Variants in CACNA2D3 observed in about 807,000 individuals in gnomAD.
CACNA2D3 encodes voltage-dependent calcium channel subunit alpha-2/delta-3.
In CACNA2D3, 60 loss-of-function variants were observed where a neutral mutation model predicts 160.6. That is an observed-to-expected ratio of 0.37 (90% CI 0.30 to 0.46). CACNA2D3 has a LOEUF of 0.46. Ranked by LOEUF, CACNA2D3 falls within the 20% of genes least tolerant of loss-of-function variation. CACNA2D3 has a pLI of 1.00. For missense variants in CACNA2D3, 1,205 were observed against 1,365.0 expected (o/e 0.88, Z 1.85); for synonymous variants, 558 against 492.9 (o/e 1.13, Z -1.75).
chr3:54,955,454 G>GA (rs1701863855), intron 27 of CACNA2D3, among the ~76,000 whole-genome samples: 1 of 150,866 alleles, frequency 6.6e-6, no homozygotes, highest in Non-Finnish European at 1.5e-5. Context: ...ATTTCTTTTG[G>GA]AAAAAAGAAA....
intron 2 of CACNA2D3, among the ~76,000 whole-genome samples, chr3:54,158,247 A>G (rs530044058): frequency 2.3e-4 from 35 of 152,358 alleles, no homozygotes; most frequent in Non-Finnish European, 4.3e-4. Context: ...GGGTGCAGCC[A>G]GATCCCCATA....
intron 14 of CACNA2D3, among the ~76,000 whole-genome samples, chr3:54,825,923 TATG>T (rs1559596811): frequency 6.6e-6 from 1 of 152,212 alleles, no homozygotes; most frequent in African/African-American, 2.4e-5. Flanking sequence ...ACTAGATTAA[TATG>T]ATGAGTTACT....
At chr3:54,568,298 A>G (rs922717047) in intron 6 of CACNA2D3, among the ~76,000 whole-genome samples, 1 of 152,218 alleles carries the variant, frequency 6.6e-6, no homozygotes, top group South Asian at 2.1e-4. Flanking sequence ...TGCAGCAGAG[A>G]TTTGGACATT....
At chr3:54,792,621 A>T (rs1417706494) in intron 13 of CACNA2D3, among the ~76,000 whole-genome samples, 1 of 152,042 alleles carries the variant, frequency 6.6e-6, no homozygotes, top group African/African-American at 2.4e-5. Flanking sequence ...TGCAGTCAAG[A>T]TCGTCATCAG....
chr3:54,722,386 C>T (rs615334), intron 11 of CACNA2D3, among the ~76,000 whole-genome samples: 62,320 of 151,976 alleles, frequency 0.41, 13,785 homozygotes, highest in East Asian at 0.5. Context: ...TTGGTTATTA[C>T]CCACCTTCTG....
At chr3:54,734,313 C>T (rs1300800856) in intron 11 of CACNA2D3, among the ~76,000 whole-genome samples, 1 of 152,176 alleles carries the variant, frequency 6.6e-6, no homozygotes, top group Non-Finnish European at 1.5e-5. Context: ...TCAGGACATG[C>T]ATATCAGAAA....
chr3:54,937,639 A>G (rs1379333294), intron 27 of CACNA2D3, among the ~76,000 whole-genome samples: 1 of 152,210 alleles, frequency 6.6e-6, no homozygotes. Flanking sequence ...CTGGCAATTC[A>G]GCCTGAGAGG....
intron 4 of CACNA2D3, among the ~76,000 whole-genome samples, chr3:54,474,187 G>A (rs981714039): frequency 1.3e-5 from 2 of 152,226 alleles, no homozygotes; most frequent in East Asian, 3.9e-4. Flanking sequence ...AGAAAATGTA[G>A]CACATATACA....
intron 4 of CACNA2D3, among the ~76,000 whole-genome samples, chr3:54,405,646 C>T (rs187707803): frequency 1.1e-3 from 162 of 152,212 alleles, no homozygotes; most frequent in Non-Finnish European, 1.9e-3. Context: ...AACTCCTTGA[C>T]GGTGACCTTG....
intron 4 of CACNA2D3, among the ~76,000 whole-genome samples, chr3:54,406,449 A>G (rs1000683227): frequency 6.6e-6 from 1 of 152,306 alleles, no homozygotes; most frequent in East Asian, 1.9e-4. Flanking sequence ...GTGTGTACAC[A>G]TATATACAAT....
chr3:54,237,607 C>G (rs553775222), intron 2 of CACNA2D3, among the ~76,000 whole-genome samples: 6 of 152,192 alleles, frequency 3.9e-5, no homozygotes, highest in African/African-American at 1.4e-4. Context: ...TGTTAGCTCA[C>G]CCACCAAGAC....
At chr3:55,027,918 A>C (rs529799458) in intron 35 of CACNA2D3, among the ~76,000 whole-genome samples, 93 of 152,324 alleles carry the variant, frequency 6.1e-4, no homozygotes, top group African/African-American at 2.2e-3. Flanking sequence ...AACAGGCTTC[A>C]GCTGCAGTTT....
chr3:54,425,398 A>G (rs1459641926), intron 4 of CACNA2D3, among the ~76,000 whole-genome samples: 1 of 152,238 alleles, frequency 6.6e-6, no homozygotes, highest in Non-Finnish European at 1.5e-5. Context: ...TAGCCATTTA[A>G]TAGCTGCGCA....
chr3:54,586,108 C>T (rs1025013675), intron 9 of CACNA2D3, among the ~76,000 whole-genome samples: 7 of 151,614 alleles, frequency 4.6e-5, no homozygotes, highest in African/African-American at 1.7e-4. Flanking sequence ...ACTAAAAGTA[C>T]AAAAAATTAG....
At chr3:55,027,622 G>T (rs1470883817) in intron 35 of CACNA2D3, among the ~76,000 whole-genome samples, 3 of 152,130 alleles carry the variant, frequency 2.0e-5, no homozygotes, top group African/African-American at 4.8e-5. Flanking sequence ...ACTAATTTTT[G>T]ACCAACTTTG....
chr3:54,393,335 T>C (rs1699315034), intron 4 of CACNA2D3, among the ~76,000 whole-genome samples: 1 of 152,198 alleles, frequency 6.6e-6, no homozygotes, highest in Non-Finnish European at 1.5e-5. Flanking sequence ...GAGAAGCAGC[T>C]GACACTGTGT....
At chr3:54,293,269 T>C (rs1286963385) in intron 2 of CACNA2D3, among the ~76,000 whole-genome samples, 1 of 152,112 alleles carries the variant, frequency 6.6e-6, no homozygotes, top group Non-Finnish European at 1.5e-5. Context: ...AGTTCTTTAG[T>C]GGTAATTTCT....
chr3:54,955,794 A>G (rs906319614), intron 27 of CACNA2D3, among the ~76,000 whole-genome samples: 33 of 152,176 alleles, frequency 2.2e-4, no homozygotes, highest in African/African-American at 7.5e-4. Context: ...ATCAGATGGG[A>G]AAGTGCCAGC....
chr3:54,483,427 T>C lies in CACNA2D3; in HGVS notation c.382-20065T>C, dbSNP rs182884114. On this transcript the variant is annotated intron_variant, in intron 4 of 37. Coordinates refer to ENST00000474759, the MANE Select transcript of CACNA2D3 (RefSeq NM_018398.3). ...GGTTACATAGAAGGTTAACCTCCAT[T>C]GACAAGACAAAATTGAAGTTGTTTT... Among the ~76,000 whole-genome samples the C allele has an allele frequency of 7.9e-4, 121 of 152,308 alleles. 1 individual carries two copies. Among genetic ancestry groups the C allele is most frequent in the Non-Finnish European group, 1.2e-4 (8 of 68,010 alleles).
Sources: allele counts gnomAD v4.1 joint callset (sites outside exome capture counted in the v4.1 genomes callset), GRCh38; gene constraint gnomAD v4.1.1; transcripts MANE v1.5; gene names NCBI Gene and HGNC (gene_info 2026-07-23, HGNC 2026-07-21).